The following ASB5 variants were observed in gnomAD, a reference collection of about 807,000 sequenced individuals.
ASB5 encodes the protein ankyrin repeat and SOCS box containing 5, also known as ankyrin repeat and SOCS box protein 5.
Under a neutral mutation model 42.1 loss-of-function variants are expected in ASB5, and 45 were observed. The ratio of observed to expected loss-of-function variants is 1.07; its 90% CI spans 0.84 to 1.37. The LOEUF (loss-of-function observed/expected upper bound fraction) is 1.37, where lower values mean the gene tolerates loss of function less well. Among genes scored for constraint, ASB5 ranks in the 40% most tolerant of loss-of-function variants. The pLI is 0.00. For synonymous variants in ASB5, 147 were observed against 150.6 expected (o/e 0.98, Z 0.18); for missense variants, 402 against 399.8 (o/e 1.01, Z -0.05).
intron 1 of ASB5, among the ~76,000 whole-genome samples, chr4:176,258,573 C>G (rs576223103): frequency 3.9e-4 from 60 of 152,132 alleles, no homozygotes; most frequent in Non-Finnish European, 5.4e-4. Context: ...TCTTGTAGCC[C>G]GTTAAAATTC....
chr4:176,253,474 G>T (rs1008814806), intron 1 of ASB5, among the ~76,000 whole-genome samples: 14 of 152,136 alleles, frequency 9.2e-5, no homozygotes, highest in African/African-American at 3.1e-4. Context: ...TTCCTGCTGA[G>T]AACTGGAACA....
At chr4:176,253,830 C>A (rs145298186) in intron 1 of ASB5, among the ~76,000 whole-genome samples, 8 of 151,684 alleles carry the variant, frequency 5.3e-5, no homozygotes, top group Non-Finnish European at 1.0e-4. Flanking sequence ...ACAACAACAA[C>A]AAAATACCTA....
intron 1 of ASB5, among the ~76,000 whole-genome samples, chr4:176,250,086 A>T (rs1754003782): frequency 6.6e-6 from 1 of 151,754 alleles, no homozygotes; most frequent in Non-Finnish European, 1.5e-5. Flanking sequence ...AAAAAAGAAA[A>T]AGAAAAAGAA....
rs1752934818 is a variant in ASB5 at position 176,215,213 on chromosome 4, A to C, written c.*387T>G. 1 of 153,898 alleles carries C rather than the reference A, an allele frequency of 6.5e-6. No individual in the cohort carries two copies. Among genetic ancestry groups the C allele is most frequent in the South Asian group, 2.0e-4 (1 of 4,886 alleles). 9.5% of individuals were successfully genotyped at this position (153,898 alleles called of 1,614,324 possible). ...TATCAGTAACAAGTTAGCCAATTAC[A>C]ATAGCCAAAATTAAAAAGTTAACCC... On this transcript the variant is annotated 3_prime_UTR_variant, in exon 7 of 7. Transcript: ENST00000296525.
At chr4:176,224,715 T>A (rs894209637) in intron 2 of ASB5, among the ~76,000 whole-genome samples, 32 of 148,678 alleles carry the variant, frequency 2.2e-4, no homozygotes, top group African/African-American at 7.0e-4. Context: ...AAAAAAAAAA[T>A]ACCCAAGCCA....
intron 1 of ASB5, among the ~76,000 whole-genome samples, chr4:176,258,528 C>A (rs1245346203): frequency 6.6e-6 from 1 of 152,154 alleles, no homozygotes; most frequent in Non-Finnish European, 1.5e-5. Flanking sequence ...AAATTTTCTT[C>A]TCCATAATAA....
intron 1 of ASB5, among the ~76,000 whole-genome samples, chr4:176,257,691 G>A (rs1754180963): frequency 6.6e-6 from 1 of 152,048 alleles, no homozygotes; most frequent in Non-Finnish European, 1.5e-5. Flanking sequence ...ATATAGAAAG[G>A]GCCAGTCGAC....
chr4:176,250,064 C>CAA (rs5864368), intron 1 of ASB5, among the ~76,000 whole-genome samples: 4 of 126,786 alleles, frequency 3.2e-5, no homozygotes, highest in East Asian at 3.4e-4. Flanking sequence ...GACTCCATCT[C>CAA]AAAAAAAAAA....
rs539259966 is a variant in ASB5 at position 176,276,859 on chromosome 4, C to A, written c.-201+370G>T. 7.0e-4 allele frequency among the ~76,000 whole-genome samples: 107 copies of A among 152,278 alleles called. 1 individual carries two copies. Among genetic ancestry groups the A allele is most frequent in the African/African-American group, 2.6e-3 (106 of 41,554 alleles). ...AATGAAGACAACAAAAAGTACACGG[C>A]CACCTTAAAGCCTCGACATTTGCTC... On this transcript the variant is annotated intron_variant, in intron 1 of 2. Coordinates refer to the ASB5 transcript ENST00000505299.
At chr4:176,269,563 G>T (rs1009159690), upstream of ASB5, among the ~76,000 whole-genome samples, 1 of 152,152 alleles carries the variant, frequency 6.6e-6, no homozygotes, top group Non-Finnish European at 1.5e-5. Flanking sequence ...TGTAGACCAT[G>T]AGCTAAATCA....
In ASB5 at chr4:176,268,908, C is replaced by A. The variant is rs554836252; in HGVS notation, c.196+5G>T. ...TGAAACAAGAGAGGATTATCATAAA[C>A]ATACCTTGTCCTTGGGTTACTCCAT... is the stretch of plus-strand genomic sequence containing the variant. On this transcript the variant is annotated splice_donor_5th_base_variant and intron_variant, in intron 1 of 6. Coordinates refer to ENST00000296525, the MANE Select transcript of ASB5 (RefSeq NM_080874.4). The A allele has an allele frequency of 1.9e-6, 3 of 1,600,336 alleles. No individual in the cohort carries two copies. In the South Asian group the frequency reaches 3.4e-5, roughly 18 times the overall value.
intron 1 of ASB5, among the ~76,000 whole-genome samples, chr4:176,247,133 A>G (rs2126967076): frequency 6.6e-6 from 1 of 152,286 alleles, no homozygotes; most frequent in African/African-American, 2.4e-5. Context: ...TAAATTCAAC[A>G]AATATATGTA....
chr4:176,258,105 G>C (rs1408009832), intron 1 of ASB5, among the ~76,000 whole-genome samples: 2 of 152,128 alleles, frequency 1.3e-5, no homozygotes, highest in African/African-American at 4.8e-5. Flanking sequence ...ATTCTATCCT[G>C]TTTTTGAATT....
intron 1 of ASB5, among the ~76,000 whole-genome samples, chr4:176,245,348 T>C (rs1753889669): frequency 6.6e-6 from 1 of 152,164 alleles, no homozygotes; most frequent in Non-Finnish European, 1.5e-5. Context: ...CACAATGAGG[T>C]ATCATCTCAC....
At chr4:176,241,626 T>C in intron 1 of ASB5, 2 of 1,395,510 alleles carry the variant, frequency 1.4e-6, no homozygotes, top group Non-Finnish European at 1.8e-6. Context: ...TTTTTTATTC[T>C]ACTTTACTTA....
chr4:176,230,844 A>T (rs1753523633), intron 1 of ASB5, among the ~76,000 whole-genome samples: 1 of 152,224 alleles, frequency 6.6e-6, no homozygotes, highest in Admixed American at 6.5e-5. Context: ...TTAGACTTTC[A>T]TTGAGTGTCT....
chr4:176,250,929 T>C (rs1031937454), intron 1 of ASB5, among the ~76,000 whole-genome samples: 1 of 152,212 alleles, frequency 6.6e-6, no homozygotes, highest in African/African-American at 2.4e-5. Context: ...CCTTTCATTC[T>C]TTTTACCCAC....
At chr4:176,254,436 A>G (rs1754108608) in intron 1 of ASB5, among the ~76,000 whole-genome samples, 1 of 152,158 alleles carries the variant, frequency 6.6e-6, no homozygotes, top group African/African-American at 2.4e-5. Flanking sequence ...ATTTAAATGT[A>G]GATCCTCAAA....
chr4:176,277,155 G>A (rs1754576368), intron 1 of ASB5: 1 of 152,188 alleles, frequency 6.6e-6, no homozygotes, highest in African/African-American at 2.4e-5. Context: ...CGCAACTGGT[G>A]AGCCCCTGAT....
Sources: gnomAD v4.1 joint callset for allele counts (sites outside exome capture counted in the v4.1 genomes callset) on GRCh38, gnomAD v4.1.1 for gene constraint, MANE v1.5 for transcripts, NCBI Gene and HGNC (gene_info 2026-07-23, HGNC 2026-07-21) for gene names.